Variants in CDH18 observed in about 807,000 individuals in gnomAD.
CDH18 encodes cadherin-18.
Under a neutral mutation model 67.9 loss-of-function variants are expected in CDH18, and 31 were observed. The ratio of observed to expected loss-of-function variants is 0.46; its 90% CI spans 0.34 to 0.62. The LOEUF (loss-of-function observed/expected upper bound fraction) is 0.62, where lower values mean the gene tolerates loss of function less well. Among genes scored for constraint, CDH18 ranks in the 20% least tolerant of loss-of-function variants. The pLI is 0.01. For missense variants in CDH18, 890 were observed against 975.5 expected (o/e 0.91, Z 1.17); for synonymous variants, 362 against 347.2 (o/e 1.04, Z -0.48).
chr5:19,570,679 T>A (rs762900880), intron 8 of CDH18, among the ~76,000 whole-genome samples: 1 of 152,118 alleles, frequency 6.6e-6, no homozygotes, highest in Non-Finnish European at 1.5e-5. Context: ...GTTTTACACA[T>A]GTATGCAGCC....
At chr5:20,347,312 C>T (rs1051702207) in intron 1 of CDH18, among the ~76,000 whole-genome samples, 1 of 152,132 alleles carries the variant, frequency 6.6e-6, no homozygotes, top group Non-Finnish European at 1.5e-5. Context: ...GCTAGACCAC[C>T]CTCTGCATGA....
chr5:20,112,424 C>G (rs1747556652), intron 2 of CDH18, among the ~76,000 whole-genome samples: 1 of 152,110 alleles, frequency 6.6e-6, no homozygotes, highest in Non-Finnish European at 1.5e-5. Flanking sequence ...TTTCTATATG[C>G]CTGGCTGTTA....
intron 5 of CDH18, among the ~76,000 whole-genome samples, chr5:19,705,451 C>A (rs1016923479): frequency 7.9e-5 from 12 of 152,116 alleles, no homozygotes; most frequent in African/African-American, 2.2e-4. Context: ...CATTTGCTAT[C>A]CTTAGAGGAG....
At chr5:19,581,070 T>C (rs1000968338) in intron 7 of CDH18, among the ~76,000 whole-genome samples, 2 of 151,992 alleles carry the variant, frequency 1.3e-5, no homozygotes, top group Admixed American at 6.6e-5. Context: ...TAAAATGCTA[T>C]TGATAAAATT....
At chr5:19,761,964 C>T (rs1232585179) in intron 3 of CDH18, among the ~76,000 whole-genome samples, 1 of 152,106 alleles carries the variant, frequency 6.6e-6, no homozygotes, top group African/African-American at 2.4e-5. Context: ...TGATATTTGA[C>T]AAACCTGAGA....
intron 1 of CDH18, among the ~76,000 whole-genome samples, chr5:20,492,951 G>C (rs1199242876): frequency 6.6e-6 from 1 of 152,106 alleles, no homozygotes; most frequent in Non-Finnish European, 1.5e-5. Context: ...GCCAACATCT[G>C]ATCAAGAAAA....
chr5:20,331,862 A>C (rs1382391854), intron 1 of CDH18, among the ~76,000 whole-genome samples: 3 of 152,198 alleles, frequency 2.0e-5, no homozygotes, highest in Admixed American at 6.5e-5. Context: ...GAACAGTATT[A>C]AACTGTCCCT....
At chr5:20,485,017 T>C (rs1753075478) in intron 1 of CDH18, among the ~76,000 whole-genome samples, 1 of 152,130 alleles carries the variant, frequency 6.6e-6, no homozygotes, top group Non-Finnish European at 1.5e-5. Flanking sequence ...ACTTTTGAAA[T>C]AATGATATGT....
chr5:19,897,518 T>A (rs1261238444), intron 2 of CDH18, among the ~76,000 whole-genome samples: 3 of 152,084 alleles, frequency 2.0e-5, no homozygotes, highest in Non-Finnish European at 4.4e-5. Flanking sequence ...TACTCAGCAA[T>A]ATCTACTAAA....
chr5:20,249,429 C>A (rs1196565521), intron 2 of CDH18, among the ~76,000 whole-genome samples: 1 of 141,132 alleles, frequency 7.1e-6, no homozygotes. Flanking sequence ...GTCGCCCAGG[C>A]TGCAGTTCAG....
intron 2 of CDH18, among the ~76,000 whole-genome samples, chr5:19,949,963 A>G (rs193278837): frequency 1.4e-4 from 15 of 105,870 alleles, no homozygotes; most frequent in Admixed American, 1.1e-3. Flanking sequence ...AAGTGAATAA[A>G]GAAAATATGA....
intron 1 of CDH18, among the ~76,000 whole-genome samples, chr5:20,333,952 G>C (rs1739442438): frequency 6.6e-6 from 1 of 151,956 alleles, no homozygotes; most frequent in Admixed American, 6.6e-5. Context: ...TGCAATTTTT[G>C]ATGAGCAAAG....
intron 8 of CDH18, among the ~76,000 whole-genome samples, chr5:19,569,543 G>T (rs1438203160): frequency 6.6e-6 from 1 of 152,024 alleles, no homozygotes; most frequent in Non-Finnish European, 1.5e-5. Context: ...TTCTTCCCTG[G>T]AGTTCAAGAT....
intron 1 of CDH18, among the ~76,000 whole-genome samples, chr5:20,491,761 T>A (rs572622977): frequency 1.3e-5 from 2 of 152,300 alleles, no homozygotes; most frequent in African/African-American, 2.4e-5. Flanking sequence ...AATGTAAATA[T>A]CATCCAAAAA....
intron 5 of CDH18, among the ~76,000 whole-genome samples, chr5:19,618,488 G>A (rs929288667): frequency 1.3e-5 from 2 of 152,064 alleles, no homozygotes; most frequent in South Asian, 2.1e-4. Flanking sequence ...TTACAGGCAC[G>A]AGCCACCGTG....
At chr5:19,475,481 T>C (rs1738294874) in intron 12 of CDH18, among the ~76,000 whole-genome samples, 1 of 149,992 alleles carries the variant, frequency 6.7e-6, no homozygotes. Flanking sequence ...TTCACATCCT[T>C]GTTAAGTCAA....
At chr5:19,603,870 T>A (rs1747581932) in intron 6 of CDH18, among the ~76,000 whole-genome samples, 1 of 150,438 alleles carries the variant, frequency 6.6e-6, no homozygotes, top group Admixed American at 6.6e-5. Flanking sequence ...ATGTTCTAAC[T>A]CATTAGAATT....
chr5:19,948,357 C>T (rs527532418), intron 2 of CDH18, among the ~76,000 whole-genome samples: 78 of 152,108 alleles, frequency 5.1e-4, no homozygotes, highest in Non-Finnish European at 8.1e-4. Context: ...TGTCCTTCAA[C>T]GGGTGAATGG....
rs182696258 is a variant in CDH18 at position 20,094,866 on chromosome 5, C to T, written c.-517-102852G>A. ...AAAGACACACGCACACATATATTTA[C>T]TGCAGCACTATTCACAATAGCAAAG... On this transcript the variant is annotated intron_variant, in intron 2 of 14. Coordinates refer to the CDH18 transcript ENST00000507958. 6.7e-4 allele frequency among the ~76,000 whole-genome samples: 102 copies of T among 152,238 alleles called. 1 individual carries two copies. The South Asian group carries it at 0.018, about 27-fold the overall frequency.
Sources: allele counts gnomAD v4.1 joint callset (sites outside exome capture counted in the v4.1 genomes callset), GRCh38; gene constraint gnomAD v4.1.1; transcripts MANE v1.5; gene names NCBI Gene and HGNC (gene_info 2026-07-23, HGNC 2026-07-21).